Variants in SPATA17 observed in about 807,000 individuals in gnomAD.
SPATA17 encodes the protein spermatogenesis-associated protein 17.
SPATA17 carries 53 observed loss-of-function variants against 62.2 expected under a neutral mutation model. The ratio of observed to expected loss-of-function variants is 0.85; its 90% CI spans 0.68 to 1.07. SPATA17 has a LOEUF of 1.07. SPATA17 is among the 50% of genes least tolerant of loss of function. The probability of loss-of-function intolerance (pLI) is 0.00; values close to 1 mark genes in which losing one functional copy is unlikely to be tolerated. For synonymous variants in SPATA17, 146 were observed against 146.8 expected (o/e 0.99, Z 0.04); for missense variants, 466 against 425.5 (o/e 1.10, Z -0.84).
chr1:217,661,086 A>G (rs560730266), intron 3 of SPATA17, among the ~76,000 whole-genome samples: 21 of 152,216 alleles, frequency 1.4e-4, no homozygotes, highest in Non-Finnish European at 2.6e-4. Flanking sequence ...AGCTTAGATT[A>G]AAGATCAGCA....
intron 9 of SPATA17, chr1:217,850,374 G>T: frequency 2.3e-6 from 2 of 872,010 alleles, no homozygotes; most frequent in South Asian, 1.5e-5. Context: ...TGCCATCACT[G>T]AGCACTGCAA....
At chr1:217,651,728 T>C (rs6689897) in intron 3 of SPATA17, among the ~76,000 whole-genome samples, 88,618 of 152,086 alleles carry the variant, frequency 0.58, 26,616 homozygotes, top group Non-Finnish European at 0.62. Context: ...GAAAGTTAAA[T>C]ATATTTGTGG....
chr1:217,757,117 A>C (rs933748242), intron 6 of SPATA17, among the ~76,000 whole-genome samples: 1 of 152,174 alleles, frequency 6.6e-6, no homozygotes, highest in African/African-American at 2.4e-5. Flanking sequence ...GTGAGACATG[A>C]TATTTGCCAA....
intron 9 of SPATA17, among the ~76,000 whole-genome samples, chr1:217,828,279 A>T (rs963353905): frequency 6.6e-6 from 1 of 151,904 alleles, no homozygotes; most frequent in Non-Finnish European, 1.5e-5. Context: ...ATTGAAACAT[A>T]TGTGGTCAAC....
At chr1:217,814,792 G>A (rs2102993667) in intron 9 of SPATA17, among the ~76,000 whole-genome samples, 1 of 152,096 alleles carries the variant, frequency 6.6e-6, no homozygotes, top group Admixed American at 6.6e-5. Context: ...AGGCTGCAGT[G>A]AGCTATGATG....
chr1:217,811,351 A>C (rs759456933), intron 9 of SPATA17, among the ~76,000 whole-genome samples: 1 of 152,180 alleles, frequency 6.6e-6, no homozygotes, highest in Non-Finnish European at 1.5e-5. Context: ...TTTAAATCAT[A>C]ATAAATCATC....
chr1:217,821,162 C>T (rs556464891), intron 9 of SPATA17, among the ~76,000 whole-genome samples: 1 of 152,196 alleles, frequency 6.6e-6, no homozygotes, highest in South Asian at 2.1e-4. Flanking sequence ...CCCCATCTCT[C>T]AACATCGCCA....
chr1:217,830,961 A>C (rs567436283), intron 9 of SPATA17, among the ~76,000 whole-genome samples: 43 of 152,320 alleles, frequency 2.8e-4, no homozygotes, highest in African/African-American at 1.0e-3. Flanking sequence ...AAAAATAGTG[A>C]AAATAGTTTG....
chr1:217,783,982 TA>T (rs1673794350), intron 8 of SPATA17, among the ~76,000 whole-genome samples: 4 of 152,008 alleles, frequency 2.6e-5, no homozygotes, highest in Middle Eastern at 3.4e-3. Flanking sequence ...TTGCAGATGC[TA>T]AAAAAAATTT....
At position 217,862,818 on chromosome 1, in the gene SPATA17, T is replaced by C. The variant is rs758950799; in HGVS notation, c.1050T>C (p.Tyr350=). 3.1e-6 allele frequency: 5 copies of C among 1,610,492 alleles called. No individual in the cohort carries two copies. Among genetic ancestry groups the C allele is most frequent in the Admixed American group, 3.3e-5 (2 of 59,812 alleles). Residue 350 remains tyrosine, a synonymous_variant, in exon 10 of 11, where the codon TAT becomes TAC. Coordinates refer to ENST00000366933, the MANE Select transcript of SPATA17 (RefSeq NM_138796.4). ...CATCATTTGAGCTCTTCTCAAAGTA[T>C]GGAAAATTATATTCAAAAGCTGGAC... ...VLPSFELFSK[Y]GKLYSKAGQI... is the part of the protein sequence containing the mutation.
chr1:217,727,485 G>A (rs1007411635), intron 5 of SPATA17, among the ~76,000 whole-genome samples: 1 of 151,862 alleles, frequency 6.6e-6, no homozygotes, highest in Non-Finnish European at 1.5e-5. Flanking sequence ...AAATAAGATT[G>A]TATGTTGTAA....
intron 4 of SPATA17, among the ~76,000 whole-genome samples, chr1:217,680,631 A>G (rs1671057384): frequency 6.6e-6 from 1 of 152,100 alleles, no homozygotes; most frequent in Non-Finnish European, 1.5e-5. Context: ...TTCACTTTCT[A>G]AAGTTATTGT....
intron 9 of SPATA17, chr1:217,850,726 A>AC: frequency 1.1e-6 from 1 of 906,034 alleles, no homozygotes; most frequent in Non-Finnish European, 1.7e-6. Context: ...AAAGCCATTC[A>AC]CCCCTCCAGA....
chr1:217,802,412 A>G (rs1571815088), intron 9 of SPATA17, among the ~76,000 whole-genome samples: 1 of 152,202 alleles, frequency 6.6e-6, no homozygotes, highest in East Asian at 1.9e-4. Flanking sequence ...CTGCCACAAC[A>G]AAGTACTATA....
chr1:217,791,812 G>T (rs1674000288), intron 8 of SPATA17, among the ~76,000 whole-genome samples: 1 of 152,168 alleles, frequency 6.6e-6, no homozygotes, highest in Non-Finnish European at 1.5e-5. Context: ...TAGCTATGGA[G>T]ATGTTTTAGA....
chr1:217,704,434 T>C (rs960120738), intron 5 of SPATA17, among the ~76,000 whole-genome samples: 10 of 150,718 alleles, frequency 6.6e-5, no homozygotes, highest in Middle Eastern at 6.8e-3. Context: ...GTATTTTTAG[T>C]AGAGACGGGG....
chr1:217,683,830 T>G (rs1671157662), intron 5 of SPATA17, among the ~76,000 whole-genome samples: 1 of 151,976 alleles, frequency 6.6e-6, no homozygotes, highest in Non-Finnish European at 1.5e-5. Flanking sequence ...TTTATTATTA[T>G]TATATTAAAA....
In SPATA17 at chr1:217,645,014, T is replaced by C. The variant is rs1441438511; in HGVS notation, c.69-3868T>C. 2.0e-5 allele frequency among the ~76,000 whole-genome samples: 3 copies of C among 152,216 alleles called. No homozygotes were observed. The East Asian group carries it at 5.8e-4, about 29-fold the overall frequency. ...AGCAGTTCATGACATATTGTATGAG[T>C]ATTCAGCATCCCAGCGGTAACCCAG... On this transcript the variant is annotated intron_variant, in intron 1 of 10. Transcript: ENST00000366933.
intron 8 of SPATA17, among the ~76,000 whole-genome samples, chr1:217,787,503 T>G (rs973421878): frequency 2.0e-5 from 3 of 152,176 alleles, no homozygotes; most frequent in Non-Finnish European, 4.4e-5. Flanking sequence ...CTTGTTTCTG[T>G]TAAAAATTTT....
Sources: gnomAD v4.1 joint callset for allele counts (sites outside exome capture counted in the v4.1 genomes callset) on GRCh38, gnomAD v4.1.1 for gene constraint, MANE v1.5 for transcripts, NCBI Gene and HGNC (gene_info 2026-07-23, HGNC 2026-07-21) for gene names.